RCBTB2: variants seen among roughly 807,000 people sequenced by gnomAD.
The protein encoded by RCBTB2 is RCC1 and BTB domain-containing protein 2.
In RCBTB2, 55 loss-of-function variants were observed where a neutral mutation model predicts 65.4. The observed-to-expected ratio is 0.84, with a 90% CI of 0.68 to 1.05. RCBTB2 has a LOEUF of 1.05. RCBTB2 is among the 50% of genes least tolerant of loss of function. The probability of loss-of-function intolerance (pLI) is 0.00; values close to 1 mark genes in which losing one functional copy is unlikely to be tolerated. For synonymous variants in RCBTB2, 220 were observed against 255.2 expected, an observed-to-expected ratio of 0.86 and a Z score of 1.31; for missense variants, 599 against 680.1, an observed-to-expected ratio of 0.88 and a Z score of 1.33.
intron 14 of RCBTB2, among the ~76,000 whole-genome samples, chr13:48,494,500 C>A (rs956832100): frequency 1.6e-4 from 24 of 152,180 alleles, no homozygotes; most frequent in African/African-American, 5.3e-4. Flanking sequence ...GTGTCAGACA[C>A]CGTCCTAGGC....
intron 13 of RCBTB2, 146 bp from the exon 14 acceptor site, chr13:48,496,467 T>C: frequency 1.4e-6 from 1 of 719,370 alleles, no homozygotes; most frequent in Non-Finnish European, 2.0e-6. Flanking sequence ...GACTGACACT[T>C]ACACTTCAGT....
intron 14 of RCBTB2, among the ~76,000 whole-genome samples, chr13:48,492,270 A>G (rs977243992): frequency 4.6e-5 from 7 of 152,134 alleles, no homozygotes; most frequent in Non-Finnish European, 1.0e-4. Flanking sequence ...CCAAGACCCT[A>G]TAGAAAGCAG....
At chr13:48,495,227 G>A (rs189933589) in intron 14 of RCBTB2, among the ~76,000 whole-genome samples, 11 of 151,498 alleles carry the variant, frequency 7.3e-5, no homozygotes, top group Non-Finnish European at 1.3e-4. Context: ...AACAATACAT[G>A]GTCACTGTAA....
upstream of RCBTB2, chr13:48,535,767 CCT>C (rs1297438697): frequency 6.6e-6 from 3 of 456,674 alleles, no homozygotes; most frequent in Admixed American, 7.0e-5. Flanking sequence ...TCAGGTGGCC[CCT>C]GTCTCTTGGT....
At chr13:48,523,296 TG>T (rs1351392032) in intron 2 of RCBTB2, among the ~76,000 whole-genome samples, 2 of 152,262 alleles carry the variant, frequency 1.3e-5, no homozygotes, top group African/African-American at 2.4e-5. Flanking sequence ...CCAAATGGGC[TG>T]GGACCTCTTC....
rs140524314 is a variant in RCBTB2, at chr13:48,498,809, T to C, written c.1384+812A>G. Reference sequence around the variant, plus strand: ...ACTTTCAAAGTCCAGAGCAAGCCTGTTGTTCTCTATCTTCCTCACCTCAGT... The same window carrying C: ...ACTTTCAAAGTCCAGAGCAAGCCTGCTGTTCTCTATCTTCCTCACCTCAGT... On this transcript the variant is annotated intron_variant, in intron 13 of 14. Transcript: ENST00000344532. 5.0e-3 allele frequency among the ~76,000 whole-genome samples: 766 copies of C among 152,176 alleles called. 4 individuals are homozygous for C. Among genetic ancestry groups the C allele is most frequent in the Non-Finnish European group, 7.6e-3 (520 of 68,010 alleles).
intron 11 of RCBTB2, among the ~76,000 whole-genome samples, chr13:48,502,098 G>A (rs1242364593): frequency 1.3e-5 from 2 of 152,114 alleles, no homozygotes; most frequent in African/African-American, 2.4e-5. Context: ...ACAAGAAAAA[G>A]TCCCAAGCCA....
chr13:48,511,725 G>T, intron 9 of RCBTB2, 45 bp downstream of exon 9: 1 of 1,513,830 alleles, frequency 6.6e-7, no homozygotes, highest in East Asian at 2.3e-5. Flanking sequence ...ATCTTTGCCA[G>T]CGAAGACTTA....
chr13:48,510,868 AG>A, intron 9 of RCBTB2, 97 bp from the exon 10 acceptor site: 1 of 1,270,524 alleles, frequency 7.9e-7, no homozygotes, highest in Non-Finnish European at 1.1e-6. Flanking sequence ...AAAAAAAGGA[AG>A]AGGCAGCCTA....
At chr13:48,493,346 T>TCTC (rs1403924788) in intron 14 of RCBTB2, among the ~76,000 whole-genome samples, 2 of 61,690 alleles carry the variant, frequency 3.2e-5, no homozygotes, top group Admixed American at 1.6e-4. Flanking sequence ...CTCTCTTCTC[T>TCTC]TCTCTCTCTC....
chr13:48,518,472 A>AAAATATATATATATATATATATAT (rs1491137365), intron 4 of RCBTB2, among the ~76,000 whole-genome samples: 1 of 116,620 alleles, frequency 8.6e-6, no homozygotes, highest in African/African-American at 3.8e-5. Flanking sequence ...AAAAAAAAAA[A>AAAATATATATATATATATATATAT]ATATATATAT....
chr13:48,521,849 T>G, intron 4 of RCBTB2, 49 bp downstream of exon 4: 1 of 1,553,484 alleles, frequency 6.4e-7, no homozygotes. Flanking sequence ...ATGAAGTATG[T>G]TTCATGCAAC....
intron 14 of RCBTB2, chr13:48,491,668 A>G (rs1334820396): frequency 6.6e-6 from 1 of 152,230 alleles, no homozygotes; most frequent in Non-Finnish European, 1.5e-5. Flanking sequence ...CACACACATT[A>G]GAGTGTGTCT....
rs1419786319 is a variant in RCBTB2 at position 48,490,233 on chromosome 13, A to G, written c.1534T>C (p.Phe512Leu). ...YDAQDLEEFC[F>L]RFCINHLTVV... is the part of the protein sequence containing the mutation. ...GTCAGATGGTTTATGCAAAACCTGA[A>G]GCAGAATTCTTCTAAATCCTAGGAA... Residue 512 changes from phenylalanine to leucine, a missense_variant, in exon 15 of 15, where the codon TTC becomes CTC. Physicochemically the swap from Phe to Leu is conservative, Grantham distance 22. Coordinates refer to ENST00000344532, the MANE Select transcript of RCBTB2 (RefSeq NM_001268.4). The G allele has an allele frequency of 6.2e-7, 1 of 1,613,338 alleles. No individual in the cohort carries two copies. The highest frequency in any genetic ancestry group is 2.2e-5 in the East Asian group (1 of 44,878).
chr13:48,491,113 C>T (rs765858573), intron 14 of RCBTB2, among the ~76,000 whole-genome samples: 4 of 152,234 alleles, frequency 2.6e-5, no homozygotes, highest in Admixed American at 1.3e-4. Context: ...GTTTCCTCTC[C>T]AAGCTACTGT....
chr13:48,520,681 G>A (rs558923057), intron 4 of RCBTB2, among the ~76,000 whole-genome samples: 157 of 152,300 alleles, frequency 1.0e-3, no homozygotes, highest in African/African-American at 3.7e-3. Context: ...ATTCCTTTGA[G>A]TGTGTGATAC....
chr13:48,535,255 CT>C (rs563743014), upstream of RCBTB2, among the ~76,000 whole-genome samples: 3,163 of 136,258 alleles, frequency 0.023, 76 homozygotes, highest in African/African-American at 0.066. Flanking sequence ...TATTCATCCT[CT>C]TTTTTTTTTT....
At chr13:48,495,385 AAAAAT>A (rs1382034043) in intron 14 of RCBTB2, among the ~76,000 whole-genome samples, 1 of 136,228 alleles carries the variant, frequency 7.3e-6, no homozygotes, top group East Asian at 1.9e-4. Flanking sequence ...TACTTTTTCA[AAAAAT>A]AAAAATAGGA....
chr13:48,489,503 T>C lies in RCBTB2; in HGVS notation c.*608A>G, dbSNP rs1949611598. ...CTTGACAATTTAATTGCCAGGGCCT[T>C]TTGTCAATTCTAAACAATGTTCTAA... On this transcript the variant is annotated 3_prime_UTR_variant, in exon 15 of 15. Coordinates refer to ENST00000344532, the MANE Select transcript of RCBTB2 (RefSeq NM_001268.4). The C allele has an allele frequency of 6.6e-6, 1 of 152,244 alleles. No homozygotes were observed. Among genetic ancestry groups the C allele is most frequent in the South Asian group, 2.1e-4 (1 of 4,832 alleles). The allele number at this position is 152,244 out of a possible 1,614,324, so 9.4% of individuals were successfully genotyped here.
Sources: allele counts gnomAD v4.1 joint callset (sites outside exome capture counted in the v4.1 genomes callset), GRCh38; gene constraint gnomAD v4.1.1; transcripts MANE v1.5; gene names NCBI Gene and HGNC (gene_info 2026-07-23, HGNC 2026-07-21).